The following FMNL2 variants were observed in gnomAD, a reference collection of about 807,000 sequenced individuals.
FMNL2 encodes the protein formin like 2.
Under a neutral mutation model 130.2 loss-of-function variants are expected in FMNL2, and 51 were observed. The ratio of observed to expected loss-of-function variants is 0.39; its 90% CI spans 0.31 to 0.49. The LOEUF (loss-of-function observed/expected upper bound fraction) is 0.49, where lower values mean the gene tolerates loss of function less well. FMNL2 is among the 20% of genes least tolerant of loss of function. The pLI, the probability that FMNL2 is intolerant of heterozygous loss-of-function variation, is 0.85. For missense variants in FMNL2, 977 were observed against 1,316.2 expected, an observed-to-expected ratio of 0.74 and a Z score of 3.99; for synonymous variants, 465 against 467.1, an observed-to-expected ratio of 1.00 and a Z score of 0.06.
At chr2:152,349,966 G>A (rs1682380913) in intron 1 of FMNL2, among the ~76,000 whole-genome samples, 1 of 152,156 alleles carries the variant, frequency 6.6e-6, no homozygotes, top group African/African-American at 2.4e-5. Flanking sequence ...GTACTGAGGT[G>A]GGATCGATTG....
At chr2:152,541,349 G>T (rs1694302505) in intron 2 of FMNL2, among the ~76,000 whole-genome samples, 1 of 151,874 alleles carries the variant, frequency 6.6e-6, no homozygotes, top group African/African-American at 2.4e-5. Context: ...GTAGAGATGG[G>T]GTTTCACCAT....
chr2:152,371,571 A>T (rs1360434721), intron 1 of FMNL2, among the ~76,000 whole-genome samples: 1 of 148,946 alleles, frequency 6.7e-6, no homozygotes, highest in Non-Finnish European at 1.5e-5. Flanking sequence ...TGGGAAGCTG[A>T]GGCAGGAGAA....
intron 1 of FMNL2, among the ~76,000 whole-genome samples, chr2:152,384,545 T>C (rs1406984469): frequency 6.6e-6 from 1 of 152,148 alleles, no homozygotes; most frequent in Admixed American, 6.5e-5. Flanking sequence ...TGATCAGTGA[T>C]TGGTTTCCCA....
intron 1 of FMNL2, among the ~76,000 whole-genome samples, chr2:152,342,925 G>GA (rs2105737944): frequency 6.6e-6 from 1 of 152,234 alleles, no homozygotes; most frequent in East Asian, 1.9e-4. Context: ...TTCACTCTCT[G>GA]AAAAAACAAA....
At chr2:152,490,617 T>TGTGTGTGTGTGTGTG (rs1185966265) in intron 1 of FMNL2, among the ~76,000 whole-genome samples, 7 of 34,292 alleles carry the variant, frequency 2.0e-4, no homozygotes, top group East Asian at 8.2e-4. Context: ...GTGTGTGTGT[T>TGTGTGTGTGTGTGTG]GGATAAACTT....
intron 2 of FMNL2, among the ~76,000 whole-genome samples, chr2:152,534,490 C>G (rs772812174): frequency 2.0e-5 from 3 of 151,288 alleles, no homozygotes; most frequent in Non-Finnish European, 2.9e-5. Flanking sequence ...TAAAAAAATT[C>G]TTGAGTAATT....
chr2:152,647,956 A>C lies in FMNL2; in HGVS notation c.*51A>C. On this transcript the variant is annotated 3_prime_UTR_variant, in exon 26 of 26. Transcript: ENST00000288670. ...AGGGTGTGCGTGAATGAAACTGCCC[A>C]CATGAACTTTATGTGCTACGATTTA... The C allele has an allele frequency of 1.4e-6, 2 of 1,430,428 alleles. No individual in the cohort carries two copies. Among genetic ancestry groups the C allele is most frequent in the South Asian group, 1.3e-5 (1 of 78,526 alleles). 88.6% of individuals were successfully genotyped at this position (1,430,428 alleles called of 1,614,324 possible). A position where few individuals can be genotyped will look rare whatever the true frequency, so the allele number is the denominator to read the frequency against.
chr2:152,437,009 C>G (rs1010234325), intron 1 of FMNL2, among the ~76,000 whole-genome samples: 5 of 152,166 alleles, frequency 3.3e-5, no homozygotes, highest in Non-Finnish European at 7.3e-5. Context: ...ACTGGCAGAT[C>G]TGGTGTCTGG....
At chr2:152,554,177 G>A (rs1242712619) in intron 4 of FMNL2, among the ~76,000 whole-genome samples, 2 of 152,148 alleles carry the variant, frequency 1.3e-5, no homozygotes, top group Admixed American at 6.5e-5. Context: ...AGGCCAAGGT[G>A]GGCAGGATGG....
At chr2:152,514,289 C>T (rs540067953) in intron 1 of FMNL2, among the ~76,000 whole-genome samples, 9 of 152,184 alleles carry the variant, frequency 5.9e-5, no homozygotes, top group African/African-American at 1.7e-4. Context: ...TTTCTTTGGC[C>T]GATGACTTCT....
intron 1 of FMNL2, among the ~76,000 whole-genome samples, chr2:152,378,740 G>T (rs1019986421): frequency 1.3e-5 from 2 of 152,084 alleles, no homozygotes; most frequent in Non-Finnish European, 2.9e-5. Context: ...TTTGTTGATG[G>T]GTTTGATAGA....
intron 1 of FMNL2, among the ~76,000 whole-genome samples, chr2:152,492,349 G>C (rs1691261265): frequency 6.6e-6 from 1 of 152,174 alleles, no homozygotes; most frequent in African/African-American, 2.4e-5. Context: ...GAAGATTTTT[G>C]TAAGATCGTT....
At chr2:152,429,418 C>T (rs879348985) in intron 1 of FMNL2, among the ~76,000 whole-genome samples, 8 of 152,090 alleles carry the variant, frequency 5.3e-5, no homozygotes, top group Non-Finnish European at 8.8e-5. Flanking sequence ...AACTTCCTGC[C>T]TCTAGCGATT....
intron 1 of FMNL2, among the ~76,000 whole-genome samples, chr2:152,490,515 C>T (rs2105279179): frequency 6.7e-6 from 1 of 149,460 alleles, no homozygotes; most frequent in Admixed American, 6.7e-5. Flanking sequence ...AGGAATTTAA[C>T]AGCTCTGTTG....
chr2:152,400,614 G>A (rs980630361), intron 1 of FMNL2, among the ~76,000 whole-genome samples: 2 of 152,148 alleles, frequency 1.3e-5, no homozygotes, highest in African/African-American at 4.8e-5. Context: ...CTGTTTTCTT[G>A]TGCAGTTTGT....
intron 1 of FMNL2, among the ~76,000 whole-genome samples, 195 bp from the exon 2 acceptor site, chr2:152,521,748 G>C (rs1693101206): frequency 6.6e-6 from 1 of 152,142 alleles, no homozygotes; most frequent in South Asian, 2.1e-4. Flanking sequence ...TAGAACTTCA[G>C]AATTTCCCGC....
At position 152,338,941 on chromosome 2, in the gene FMNL2, A is replaced by G. The variant is rs192435317; in HGVS notation, c.117+3221A>G. Among the ~76,000 whole-genome samples, 8 of 152,306 alleles carry G rather than the reference A, an allele frequency of 5.3e-5. No homozygotes were observed. In the East Asian group the frequency reaches 1.4e-3, roughly 26 times the overall value. On this transcript the variant is annotated intron_variant, in intron 1 of 25. Transcript: ENST00000288670. Reference sequence around the variant, plus strand: ...TAATTTATATGGAAGTGTTTCATAAATTATAAAGTCAGCCACGTACTTCAA... The same window carrying G: ...TAATTTATATGGAAGTGTTTCATAAGTTATAAAGTCAGCCACGTACTTCAA...
chr2:152,584,242 G>A (rs557738633), intron 9 of FMNL2, among the ~76,000 whole-genome samples: 17 of 151,954 alleles, frequency 1.1e-4, no homozygotes, highest in Non-Finnish European at 1.9e-4. Flanking sequence ...GCATGCCTGT[G>A]CAGATAGGGT....
intron 1 of FMNL2, among the ~76,000 whole-genome samples, chr2:152,395,528 TAAAATTAA>T (rs780969767): frequency 6.6e-6 from 1 of 152,210 alleles, no homozygotes; most frequent in Non-Finnish European, 1.5e-5. Flanking sequence ...ACCAGTCCCT[TAAAATTAA>T]AAGTTAAATT....
Sources: gnomAD v4.1 joint callset for allele counts (sites outside exome capture counted in the v4.1 genomes callset) on GRCh38, gnomAD v4.1.1 for gene constraint, MANE v1.5 for transcripts, NCBI Gene and HGNC (gene_info 2026-07-23, HGNC 2026-07-21) for gene names.